AMZ1: variants seen among roughly 807,000 people sequenced by gnomAD.
AMZ1 encodes the protein archaemetzincin-1.
Under a neutral mutation model 29.9 loss-of-function variants are expected in AMZ1, and 39 were observed. That is an observed-to-expected ratio of 1.30 (90% CI 1.01 to 1.70). The LOEUF (loss-of-function observed/expected upper bound fraction) is 1.70. Among genes scored for constraint, AMZ1 ranks in the 40% most tolerant of loss-of-function variants. The pLI is 0.00. For synonymous variants in AMZ1, 458 were observed against 304.0 expected, an observed-to-expected ratio of 1.51 and a Z score of -5.27; for missense variants, 1,041 against 680.6, an observed-to-expected ratio of 1.53 and a Z score of -5.89.
chr7:2,704,123 G>T (rs798464), intron 3 of AMZ1, among the ~76,000 whole-genome samples: 38,385 of 152,080 alleles, frequency 0.25, 4,921 homozygotes, highest in Admixed American at 0.28. Context: ...TCTCCTGACC[G>T]CATGATCTGC....
rs1003818587 is a variant in AMZ1, at chr7:2,695,068, C to G, written c.-218-5166C>G. On this transcript the variant is annotated intron_variant, in intron 1 of 6. Transcript: ENST00000683327. ...TTTTGGAACCACTGATCGTGCATCT[C>G]AGCTGCTTCTGGCTGACTTGGGTCT... 2.6e-5 allele frequency among the ~76,000 whole-genome samples: 4 copies of G among 152,328 alleles called. No individual in the cohort carries two copies. In the South Asian group the frequency reaches 8.3e-4, roughly 32 times the overall value.
At chr7:2,708,831 C>A in intron 4 of AMZ1, 115 bp downstream of exon 4, 1 of 1,507,482 alleles carries the variant, frequency 6.6e-7, no homozygotes, top group Non-Finnish European at 9.0e-7. Flanking sequence ...TGGTGGAAGT[C>A]AACACCTGTG....
intron 3 of AMZ1, among the ~76,000 whole-genome samples, chr7:2,705,207 G>T (rs1488755454): frequency 6.6e-6 from 1 of 152,144 alleles, no homozygotes; most frequent in Non-Finnish European, 1.5e-5. Context: ...GCTGACTGTG[G>T]GACAAAGACA....
In AMZ1 at chr7:2,752,014, A is replaced by G. The variant is rs536635058; in HGVS notation, n.551-12698A>G. Among the ~76,000 whole-genome samples, 5 of 152,350 alleles carry G rather than the reference A, an allele frequency of 3.3e-5. No individual in the cohort carries two copies. The South Asian group carries it at 1.0e-3, about 32-fold the overall frequency. On this transcript the variant is annotated intron_variant and non_coding_transcript_variant, in intron 4 of 4. Transcript: ENST00000489665. ...CAACTCCTTTTATGAGGCCAGCATC[A>G]TCCTGGTACCCACACCGACAAGATT...
At chr7:2,699,171 A>C (rs1787906072) in intron 1 of AMZ1, among the ~76,000 whole-genome samples, 1 of 151,956 alleles carries the variant, frequency 6.6e-6, no homozygotes, top group Non-Finnish European at 1.5e-5. Context: ...CCCACTCTCC[A>C]TCCGCCCTGG....
chr7:2,689,372 G>GGGGC (rs1554244938), intron 1 of AMZ1, among the ~76,000 whole-genome samples: 4 of 151,778 alleles, frequency 2.6e-5, no homozygotes, highest in Non-Finnish European at 1.5e-5. Flanking sequence ...AACCTCCCTG[G>GGGGC]GGGGGGGATG....
chr7:2,681,123 G>T (rs113661893), intron 1 of AMZ1, among the ~76,000 whole-genome samples: 3 of 152,348 alleles, frequency 2.0e-5, no homozygotes, highest in African/African-American at 7.2e-5. Flanking sequence ...TGCAGGGCTG[G>T]AGCGGGGCCA....
intron 1 of AMZ1, among the ~76,000 whole-genome samples, chr7:2,697,154 G>A (rs932319800): frequency 3.9e-5 from 6 of 152,194 alleles, no homozygotes; most frequent in African/African-American, 1.4e-4. Flanking sequence ...CCAAGCTGGA[G>A]TGCAATGGCG....
chr7:2,757,984 T>A (rs1324582329), intron 4 of AMZ1, among the ~76,000 whole-genome samples: 1 of 152,198 alleles, frequency 6.6e-6, no homozygotes, highest in Non-Finnish European at 1.5e-5. Flanking sequence ...TGTAGCTGCC[T>A]GGTTAACACA....
rs954175741 is a variant in AMZ1, at chr7:2,731,531, G to A, written n.550+21715G>A. The A allele has an allele frequency of 4.3e-6, 7 of 1,611,726 alleles. No individual in the cohort carries two copies. The highest frequency in any genetic ancestry group is 5.1e-6 in the Non-Finnish European group (6 of 1,178,342). ...ATGGACTCCACCAGCCGGTTGGTGC[G>A]CCTGTCCTCCATGAGGACCTGGTCG... On this transcript the variant is annotated intron_variant and non_coding_transcript_variant, in intron 4 of 4. Transcript: ENST00000489665. The surrounding 1 kb of genome is among the most constrained non-coding windows in gnomAD (Gnocchi z 6.0).
At chr7:2,750,923 A>T (rs1159583102) in intron 4 of AMZ1, among the ~76,000 whole-genome samples, 1 of 152,236 alleles carries the variant, frequency 6.6e-6, no homozygotes, top group Non-Finnish European at 1.5e-5. Flanking sequence ...TGGGAACAGA[A>T]GCGAGAGATA....
upstream of AMZ1, among the ~76,000 whole-genome samples, chr7:2,686,639 G>GTCT (rs1316865478): frequency 1.3e-5 from 2 of 152,068 alleles, no homozygotes; most frequent in Non-Finnish European, 2.9e-5. Context: ...GGCTTATGGG[G>GTCT]TCTTCTTTTT....
Position 2,709,608 on chromosome 7 carries a change from T to G in AMZ1, c.772-32T>G, listed in dbSNP as rs746766433. The G allele has an allele frequency of 5.0e-6, 8 of 1,595,676 alleles. No homozygotes were observed. In the African/African-American group the frequency reaches 9.4e-5, roughly 19 times the overall value. On this transcript the variant is annotated intron_variant, in intron 5 of 6. Transcript: ENST00000683327. ...TCTGCCGGATGCAGGGGCAAGGCAG[T>G]GAGGCAAGGTGCTTGGTGGCCTTCC... is the stretch of plus-strand genomic sequence containing the variant.
chr7:2,721,137 T>C (rs1583191188), downstream of AMZ1, among the ~76,000 whole-genome samples: 1 of 151,910 alleles, frequency 6.6e-6, no homozygotes, highest in East Asian at 1.9e-4. Context: ...GCGCGGGAGG[T>C]TCCTGCCAAT....
chr7:2,729,581 T>G (rs1448153899), intron 4 of AMZ1: 2 of 152,352 alleles, frequency 1.3e-5, no homozygotes, highest in Non-Finnish European at 2.9e-5. Context: ...CTCTTCTGCT[T>G]CTGCATCTGC....
rs147843264 is a variant in AMZ1, at chr7:2,744,376, T to C, written n.551-20336T>C. Among the ~76,000 whole-genome samples, 189 of 152,336 alleles carry C rather than the reference T, an allele frequency of 1.2e-3. 1 individual carries two copies. Among genetic ancestry groups the C allele is most frequent in the Admixed American group, 2.3e-3 (35 of 15,306 alleles). On this transcript the variant is annotated intron_variant and non_coding_transcript_variant, in intron 4 of 4. Coordinates refer to the AMZ1 transcript ENST00000489665. ...TGTGGGTCACCAATATCCGCTGTTC[T>C]GCAGCCACCGCTGCTGATACCCAAG...
At chr7:2,752,974 G>T (rs887490452) in intron 4 of AMZ1, among the ~76,000 whole-genome samples, 1 of 152,040 alleles carries the variant, frequency 6.6e-6, no homozygotes, top group Non-Finnish European at 1.5e-5. Flanking sequence ...CCACCACAAC[G>T]GTCTCCCTCG....
At position 2,718,924 on chromosome 7, in the gene AMZ1, G is replaced by A. The variant is rs1408562556; in HGVS notation, c.*6046G>A. On this transcript the variant is annotated 3_prime_UTR_variant, in exon 7 of 7. Transcript: ENST00000683327. Reference sequence around the variant, plus strand: ...CTTTTCTCAGGGTCGCTTAACACAGGCAGGGGTACAGGAGAGCTCCGGCCA... The same window carrying A: ...CTTTTCTCAGGGTCGCTTAACACAGACAGGGGTACAGGAGAGCTCCGGCCA... Among the ~76,000 whole-genome samples the A allele has an allele frequency of 6.6e-6, 1 of 152,188 alleles. No homozygotes were observed. Among genetic ancestry groups the A allele is most frequent in the Non-Finnish European group, 1.5e-5 (1 of 68,018 alleles).
At position 2,718,350 on chromosome 7, in the gene AMZ1, C is replaced by T. The variant is rs774319607; in HGVS notation, c.*5472C>T. ...CTGGATACAGCATGACTGAACCGCC[C>T]CTTCTCAGCAAAGGCCAACACGTCT... On this transcript the variant is annotated 3_prime_UTR_variant, in exon 7 of 7. Transcript: ENST00000683327. 1.3e-5 allele frequency among the ~76,000 whole-genome samples: 2 copies of T among 152,196 alleles called. No individual in the cohort carries two copies. Among genetic ancestry groups the T allele is most frequent in the Non-Finnish European group, 2.9e-5 (2 of 68,036 alleles).
Sources: allele counts gnomAD v4.1 joint callset (sites outside exome capture counted in the v4.1 genomes callset), GRCh38; gene constraint gnomAD v4.1.1; non-coding constraint Gnocchi (gnomAD v3.1); transcripts MANE v1.5; gene names NCBI Gene and HGNC (gene_info 2026-07-23, HGNC 2026-07-21).